EPHA7: variants seen among roughly 807,000 people sequenced by gnomAD.
EPHA7 encodes EPH receptor A7, also known as ephrin type-A receptor 7.
A neutral mutation model predicts 112.6 loss-of-function variants in EPHA7; 25 were observed. The ratio of observed to expected loss-of-function variants is 0.22; its 90% confidence interval spans 0.16 to 0.31. The LOEUF (loss-of-function observed/expected upper bound fraction) is 0.31. EPHA7 is among the 10% of genes least tolerant of loss of function. The probability of loss-of-function intolerance (pLI) is 1.00; values close to 1 mark genes in which losing one functional copy is unlikely to be tolerated. For missense variants in EPHA7, 962 were observed against 1,212.6 expected, an observed-to-expected ratio of 0.79 and a Z score of 3.07; for synonymous variants, 437 against 406.5, an observed-to-expected ratio of 1.07 and a Z score of -0.90.
At chr6:93,289,905 T>C (rs146511604) in intron 5 of EPHA7, among the ~76,000 whole-genome samples, 1 of 152,298 alleles carries the variant, frequency 6.6e-6, no homozygotes, top group African/African-American at 2.4e-5. Context: ...TTTTAGTTTA[T>C]ATATTCCCTT....
At chr6:93,267,948 G>A (rs1771024548) in intron 7 of EPHA7, among the ~76,000 whole-genome samples, 1 of 151,494 alleles carries the variant, frequency 6.6e-6, no homozygotes, top group Non-Finnish European at 1.5e-5. Flanking sequence ...AACATAATTT[G>A]AAGTATCTTA....
intron 3 of EPHA7, 45 bp from the exon 4 acceptor site, chr6:93,358,456 C>T (rs748333019): frequency 4.9e-5 from 73 of 1,493,674 alleles, no homozygotes; most frequent in Non-Finnish European, 6.5e-5. Context: ...GAGAGCAAAT[C>T]GATCTTTAAA....
chr6:93,342,863 TCTAA>T (rs1191136513), intron 5 of EPHA7, among the ~76,000 whole-genome samples: 7 of 151,700 alleles, frequency 4.6e-5, no homozygotes, highest in South Asian at 4.1e-4. Flanking sequence ...ATTTGCCTAC[TCTAA>T]CTAATGAACA....
chr6:93,334,486 T>C (rs1774758873), intron 5 of EPHA7, among the ~76,000 whole-genome samples: 1 of 151,962 alleles, frequency 6.6e-6, no homozygotes, highest in African/African-American at 2.4e-5. Flanking sequence ...TTTGCAAATT[T>C]GGCATCCAAC....
intron 5 of EPHA7, among the ~76,000 whole-genome samples, chr6:93,323,222 G>C (rs1424083698): frequency 1.3e-5 from 2 of 151,400 alleles, no homozygotes; most frequent in East Asian, 1.9e-4. Context: ...AAATGTAAAG[G>C]CTCTAAAATT....
chr6:93,414,916 T>C, intron 1 of EPHA7, 149 bp from the exon 2 acceptor site: 2 of 616,646 alleles, frequency 3.2e-6, no homozygotes, highest in Non-Finnish European at 5.6e-6. Context: ...ATGAACACCC[T>C]CCTGATACAT....
intron 3 of EPHA7, among the ~76,000 whole-genome samples, chr6:93,365,615 G>A (rs780052226): frequency 3.3e-5 from 5 of 152,210 alleles, no homozygotes; most frequent in Middle Eastern, 3.4e-3. Flanking sequence ...CAGACCTCCT[G>A]TCACTAATAT....
chr6:93,254,967 C>G (rs1229093373), intron 13 of EPHA7, among the ~76,000 whole-genome samples, 171 bp from the exon 14 acceptor site: 1 of 151,976 alleles, frequency 6.6e-6, no homozygotes, highest in African/African-American at 2.4e-5. Context: ...TTTAGAATAC[C>G]ATTACAAGTT....
chr6:93,326,256 T>C (rs1774313977), intron 5 of EPHA7, among the ~76,000 whole-genome samples: 1 of 151,278 alleles, frequency 6.6e-6, no homozygotes, highest in Non-Finnish European at 1.5e-5. Flanking sequence ...CCTCAGCAAA[T>C]TACCTGGCAT....
In EPHA7 at chr6:93,363,775, G is replaced by A. The variant is rs114399941; in HGVS notation, c.833-5364C>T. ...AAAAACCTGTACATTAATGTTCATA[G>A]TGGAATTATTTGTAATAGCCAAAAA... is the stretch of plus-strand genomic sequence containing the variant. On this transcript the variant is annotated intron_variant, in intron 3 of 16. Coordinates refer to ENST00000369303, the MANE Select transcript of EPHA7 (RefSeq NM_004440.4). Among the ~76,000 whole-genome samples, 625 of 152,282 alleles carry A rather than the reference G, an allele frequency of 4.1e-3. 4 individuals carry two copies. Among genetic ancestry groups the A allele is most frequent in the African/African-American group, 0.014 (598 of 41,558 alleles).
intron 10 of EPHA7, among the ~76,000 whole-genome samples, chr6:93,258,983 A>T (rs1770569228): frequency 6.6e-6 from 1 of 151,912 alleles, no homozygotes; most frequent in South Asian, 2.1e-4. Flanking sequence ...TAAAAATGAA[A>T]GTTTTGTAAG....
chr6:93,313,967 T>C (rs1277376259), intron 5 of EPHA7, among the ~76,000 whole-genome samples: 3 of 152,090 alleles, frequency 2.0e-5, no homozygotes, highest in Non-Finnish European at 4.4e-5. Flanking sequence ...TTCTCCTCCT[T>C]TATCTTTTCT....
chr6:93,287,870 C>T (rs1183990290), intron 5 of EPHA7, among the ~76,000 whole-genome samples: 1 of 152,046 alleles, frequency 6.6e-6, no homozygotes, highest in Non-Finnish European at 1.5e-5. Context: ...ACAGATTAAA[C>T]CTACAGTAAG....
At chr6:93,334,239 G>A (rs1043653126) in intron 5 of EPHA7, among the ~76,000 whole-genome samples, 5 of 151,728 alleles carry the variant, frequency 3.3e-5, no homozygotes, top group Non-Finnish European at 4.4e-5. Flanking sequence ...CACCGTATAC[G>A]GAAATAAACT....
At chr6:93,404,448 G>A (rs982219771) in intron 3 of EPHA7, among the ~76,000 whole-genome samples, 3 of 151,734 alleles carry the variant, frequency 2.0e-5, no homozygotes, top group Non-Finnish European at 4.4e-5. Flanking sequence ...ATAAGGATTC[G>A]GAAGCCAGAC....
intron 5 of EPHA7, among the ~76,000 whole-genome samples, chr6:93,344,357 T>C (rs1775287123): frequency 6.6e-6 from 1 of 151,556 alleles, no homozygotes; most frequent in Non-Finnish European, 1.5e-5. Flanking sequence ...CTTGGTGATG[T>C]CAGGGATGTG....
chr6:93,248,108 CT>C (rs201895669), intron 14 of EPHA7, among the ~76,000 whole-genome samples: 2,286 of 94,770 alleles, frequency 0.024, 59 homozygotes, highest in African/African-American at 0.069. Flanking sequence ...AAAAATGACC[CT>C]CTGAGGAAAA....
At chr6:93,336,692 T>A (rs537439154) in intron 5 of EPHA7, among the ~76,000 whole-genome samples, 1 of 152,048 alleles carries the variant, frequency 6.6e-6, no homozygotes, top group African/African-American at 2.4e-5. Context: ...TGAGCCACCC[T>A]GCCCAGCTCC....
Position 93,368,144 on chromosome 6 carries a change from G to A in EPHA7, c.833-9733C>T, listed in dbSNP as rs184598251. On this transcript the variant is annotated intron_variant, in intron 3 of 16. Transcript: ENST00000369303. ...TCCTTTTGACCACTGGCTTCAAATG[G>A]TATGGATAATCAGTTGATTATGAGC... Among the ~76,000 whole-genome samples the A allele has an allele frequency of 6.9e-3, 1,045 of 152,132 alleles. 7 individuals carry two copies. The highest frequency in any genetic ancestry group is 0.01 in the Non-Finnish European group (684 of 67,942).
Sources: allele counts gnomAD v4.1 joint callset (sites outside exome capture counted in the v4.1 genomes callset), GRCh38; gene constraint gnomAD v4.1.1; transcripts MANE v1.5; gene names NCBI Gene and HGNC (gene_info 2026-07-23, HGNC 2026-07-21).